The following LIMCH1 variants were observed in gnomAD, a reference collection of about 807,000 sequenced individuals.
LIMCH1 encodes the protein LIM and calponin homology domains-containing protein 1.
LIMCH1 carries 113 observed loss-of-function variants against 176.5 expected under a neutral mutation model. That is an observed-to-expected ratio of 0.64 (90% confidence interval 0.55 to 0.75). The LOEUF (loss-of-function observed/expected upper bound fraction) is 0.75, where lower values mean the gene tolerates loss of function less well. LIMCH1 is among the 30% of genes least tolerant of loss of function. The pLI is 0.00. For synonymous variants in LIMCH1, 619 were observed against 645.9 expected, an observed-to-expected ratio of 0.96 and a Z score of 0.63; for missense variants, 1,674 against 1,814.9, an observed-to-expected ratio of 0.92 and a Z score of 1.41.
At chr4:41,479,254 A>G (rs1249795067) in intron 1 of LIMCH1, among the ~76,000 whole-genome samples, 1 of 151,858 alleles carries the variant, frequency 6.6e-6, no homozygotes, top group African/African-American at 2.4e-5. Flanking sequence ...TGCCATTATC[A>G]CTCTTTTTGT....
intron 1 of LIMCH1, among the ~76,000 whole-genome samples, chr4:41,596,026 G>GT (rs1242148956): frequency 1.4e-5 from 2 of 144,732 alleles, no homozygotes; most frequent in African/African-American, 5.7e-5. Flanking sequence ...TCCAGCCTGG[G>GT]TGACAGAGTG....
intron 21 of LIMCH1, among the ~76,000 whole-genome samples, chr4:41,668,033 GC>G: frequency 6.6e-6 from 1 of 152,188 alleles, no homozygotes; most frequent in Non-Finnish European, 1.5e-5. Flanking sequence ...AGTTCAGGAG[GC>G]AAGAACTGTA....
chr4:41,668,954 C>T (rs1310041896), intron 21 of LIMCH1, among the ~76,000 whole-genome samples: 3 of 152,074 alleles, frequency 2.0e-5, no homozygotes, highest in African/African-American at 7.2e-5. Context: ...AAAGACCCAC[C>T]CTCATGATTC....
chr4:41,586,148 A>T, intron 1 of LIMCH1, among the ~76,000 whole-genome samples: 1 of 137,902 alleles, frequency 7.3e-6, no homozygotes, highest in African/African-American at 2.8e-5. Context: ...TCACTCTGTC[A>T]CCTAGGCTGG....
chr4:41,597,846 A>G (rs12108257), intron 1 of LIMCH1, among the ~76,000 whole-genome samples: 5,060 of 152,254 alleles, frequency 0.033, 262 homozygotes, highest in African/African-American at 0.11. Context: ...AGGTGTGTAC[A>G]TTGGGGGCAG....
intron 1 of LIMCH1, among the ~76,000 whole-genome samples, chr4:41,579,292 A>G (rs916140300): frequency 6.6e-6 from 1 of 152,172 alleles, no homozygotes; most frequent in Non-Finnish European, 1.5e-5. Context: ...TGGCCTAGTC[A>G]TTGAAATTGA....
intron 1 of LIMCH1, among the ~76,000 whole-genome samples, chr4:41,492,971 A>G (rs941597865): frequency 6.6e-6 from 1 of 152,158 alleles, no homozygotes; most frequent in Non-Finnish European, 1.5e-5. Flanking sequence ...CAGTGTAACA[A>G]TGATTTACAT....
At chr4:41,475,719 G>A (rs2067623383) in intron 1 of LIMCH1, among the ~76,000 whole-genome samples, 1 of 152,032 alleles carries the variant, frequency 6.6e-6, no homozygotes, top group South Asian at 2.1e-4. Flanking sequence ...GTTGGAGGGT[G>A]GGGGGCAAGG....
At chr4:41,532,170 AAAC>A (rs1484420749) in intron 3 of LIMCH1, among the ~76,000 whole-genome samples, 1 of 152,192 alleles carries the variant, frequency 6.6e-6, no homozygotes, top group African/African-American at 2.4e-5. Flanking sequence ...CCGCAGGGAA[AAAC>A]AACAAAACAC....
chr4:41,399,683 C>CTTTTTTTTTTTT, intron 1 of LIMCH1, among the ~76,000 whole-genome samples: 1 of 19,748 alleles, frequency 5.1e-5, no homozygotes, highest in Non-Finnish European at 8.6e-5. Flanking sequence ...GAGGTGGATA[C>CTTTTTTTTTTTT]TCTTTTTTTT....
chr4:41,648,676 T>TGTGTGA (rs979352793), intron 17 of LIMCH1, among the ~76,000 whole-genome samples: 3 of 150,096 alleles, frequency 2.0e-5, no homozygotes, highest in Admixed American at 2.0e-4. Context: ...TGTGTGTGTG[T>TGTGTGA]GTGTGTGTGT....
chr4:41,456,446 C>T (rs62411120), intron 1 of LIMCH1, among the ~76,000 whole-genome samples: 31,745 of 152,068 alleles, frequency 0.21, 3,791 homozygotes, highest in African/African-American at 0.33. Context: ...AGCAACTAAT[C>T]AGACAAAATT....
chr4:41,531,524 C>T (rs967373666), intron 3 of LIMCH1, among the ~76,000 whole-genome samples: 2 of 106,040 alleles, frequency 1.9e-5, no homozygotes, highest in Non-Finnish European at 4.3e-5. Context: ...ACATACACAC[C>T]TTATACTTGC....
chr4:41,666,315 G>A (rs1022796169), intron 20 of LIMCH1, among the ~76,000 whole-genome samples: 11 of 152,164 alleles, frequency 7.2e-5, no homozygotes, highest in Admixed American at 5.9e-4. Context: ...CTTCTGGTTT[G>A]GAGAAAAGTG....
At chr4:41,583,935 A>G (rs537994575) in intron 1 of LIMCH1, among the ~76,000 whole-genome samples, 1 of 151,488 alleles carries the variant, frequency 6.6e-6, no homozygotes, top group South Asian at 2.1e-4. Flanking sequence ...GTTTTTTTTT[A>G]TTTTGTGGTG....
At chr4:41,588,388 G>C (rs184752540) in intron 1 of LIMCH1, among the ~76,000 whole-genome samples, 2 of 152,104 alleles carry the variant, frequency 1.3e-5, no homozygotes, top group African/African-American at 4.8e-5. Context: ...CTTCTTCCAA[G>C]ATTGGAAGAG....
intron 18 of LIMCH1, among the ~76,000 whole-genome samples, chr4:41,660,635 C>T (rs1266968574): frequency 1.3e-5 from 2 of 152,150 alleles, no homozygotes; most frequent in Admixed American, 6.5e-5. Flanking sequence ...AGAACTGCTG[C>T]CATAAACAGA....
At chr4:41,503,098 C>A (rs1364983680) in intron 2 of LIMCH1, among the ~76,000 whole-genome samples, 1 of 151,918 alleles carries the variant, frequency 6.6e-6, no homozygotes. Flanking sequence ...GGTAAGTTTT[C>A]CCATATGGTG....
chr4:41,663,550 A>G (rs1019303239), intron 20 of LIMCH1, among the ~76,000 whole-genome samples: 2 of 152,136 alleles, frequency 1.3e-5, no homozygotes, highest in African/African-American at 4.8e-5. Flanking sequence ...AGAAACCTAG[A>G]AAATTATTAT....
Sources: gnomAD v4.1 joint callset for allele counts (sites outside exome capture counted in the v4.1 genomes callset) on GRCh38, gnomAD v4.1.1 for gene constraint, MANE v1.5 for transcripts, NCBI Gene and HGNC (gene_info 2026-07-23, HGNC 2026-07-21) for gene names.